The following GRAP2 variants were observed in gnomAD, a reference collection of about 807,000 sequenced individuals.
The protein encoded by GRAP2 is GRB2 related adaptor protein 2.
In GRAP2, 31 loss-of-function variants were observed where a neutral mutation model predicts 43.5. The ratio of observed to expected loss-of-function variants is 0.71; its 90% confidence interval spans 0.54 to 0.96. The LOEUF is 0.96. GRAP2 is among the 40% of genes least tolerant of loss of function. The pLI is 0.00. For missense variants in GRAP2, 371 were observed against 424.4 expected, an observed-to-expected ratio of 0.87 and a Z score of 1.11; for synonymous variants, 156 against 164.8, an observed-to-expected ratio of 0.95 and a Z score of 0.41.
At chr22:39,899,679 G>A (rs1430589006), upstream of GRAP2, among the ~76,000 whole-genome samples, 1 of 152,144 alleles carries the variant, frequency 6.6e-6, no homozygotes, top group Admixed American at 6.5e-5. Flanking sequence ...TAAAAAGAAA[G>A]CCTGTTATTA....
intron 2 of GRAP2, among the ~76,000 whole-genome samples, chr22:39,955,401 G>A (rs1330693258): frequency 7.2e-6 from 1 of 139,464 alleles, no homozygotes; most frequent in Non-Finnish European, 1.6e-5. Context: ...AAGTTTCCTG[G>A]TTACCTGGAA....
intron 1 of GRAP2, among the ~76,000 whole-genome samples, chr22:39,926,189 AT>A (rs2066696063): frequency 6.6e-6 from 1 of 152,194 alleles, no homozygotes; most frequent in Non-Finnish European, 1.5e-5. Context: ...ACAGTTGCAT[AT>A]TTGTCTTTTT....
chr22:39,911,140 A>G lies in GRAP2; in HGVS notation c.-15+9810A>G, dbSNP rs371759133. Among the ~76,000 whole-genome samples the G allele has an allele frequency of 3.9e-5, 6 of 152,336 alleles. No homozygotes were observed. The East Asian group carries it at 9.6e-4, about 24-fold the overall frequency. ...CACTCAGAGGCAGCATTAGATGAGG[A>G]GAGAAAAAGTTTATTTCAGGCTCTC... On this transcript the variant is annotated intron_variant, in intron 1 of 7. Transcript: ENST00000344138.
the GRAP2 span, among the ~76,000 whole-genome samples, chr22:39,894,347 CATAGGTGGGA>C: frequency 5.8e-5 from 8 of 137,374 alleles, no homozygotes; most frequent in Admixed American, 1.7e-4. Flanking sequence ...TATTCTCACT[CATAGGTGGGA>C]ATTGAACAAT....
At chr22:39,946,068 C>A (rs2066919151) in intron 1 of GRAP2, among the ~76,000 whole-genome samples, 1 of 152,182 alleles carries the variant, frequency 6.6e-6, no homozygotes, top group South Asian at 2.1e-4. Flanking sequence ...GCCATGTTGG[C>A]CAGGATGGTC....
intron 2 of GRAP2, among the ~76,000 whole-genome samples, chr22:39,954,798 G>T (rs2067029437): frequency 6.6e-6 from 1 of 152,236 alleles, no homozygotes; most frequent in Non-Finnish European, 1.5e-5. Context: ...CAAGTCTGGT[G>T]AGTAATATGA....
chr22:39,947,039 C>T, intron 1 of GRAP2, 54 bp from the exon 2 acceptor site: 1 of 1,011,634 alleles, frequency 9.9e-7, no homozygotes, highest in South Asian at 1.3e-5. Context: ...ACCATCGGCT[C>T]TGCTGCCCTC....
intron 1 of GRAP2, among the ~76,000 whole-genome samples, chr22:39,911,484 A>G (rs546469676): frequency 6.6e-6 from 1 of 152,096 alleles, no homozygotes; most frequent in Non-Finnish European, 1.5e-5. Context: ...GGAAACCTTT[A>G]AAAGACTTAC....
rs1260854520 is a variant in GRAP2, at chr22:39,901,292, A to C, written c.-53A>C. 1 of 1,281,568 alleles carries C rather than the reference A, an allele frequency of 7.8e-7. No homozygotes were observed. The highest frequency in any genetic ancestry group is 1.0e-6 in the Non-Finnish European group (1 of 981,706). 79.4% of individuals were successfully genotyped at this position (1,281,568 alleles called of 1,614,324 possible). ...GAAAGGATTCTAATAACTCGGTGTC[A>C]AAGCCAAGACATAAACTCAACCCCT... is the stretch of plus-strand genomic sequence containing the variant. On this transcript the variant is annotated 5_prime_UTR_variant, in exon 1 of 8. Coordinates refer to ENST00000344138, the MANE Select transcript of GRAP2 (RefSeq NM_004810.4).
intron 1 of GRAP2, among the ~76,000 whole-genome samples, chr22:39,918,414 G>A (rs1454298563): frequency 2.0e-5 from 3 of 152,198 alleles, no homozygotes; most frequent in South Asian, 2.1e-4. Context: ...GGAACCATCA[G>A]GAGAGGGCTT....
At chr22:39,955,612 T>G (rs1426708779) in intron 2 of GRAP2, among the ~76,000 whole-genome samples, 1 of 152,134 alleles carries the variant, frequency 6.6e-6, no homozygotes, top group East Asian at 1.9e-4. Flanking sequence ...AGAAATAACC[T>G]GGGGTCAGGA....
At chr22:39,930,022 C>T (rs1369843928) in intron 1 of GRAP2, among the ~76,000 whole-genome samples, 1 of 152,006 alleles carries the variant, frequency 6.6e-6, no homozygotes, top group Non-Finnish European at 1.5e-5. Flanking sequence ...ATTTCAAAGA[C>T]TTAGTTTGGA....
intron 4 of GRAP2, chr22:39,964,722 A>C (rs1308684276): frequency 2.0e-6 from 1 of 491,842 alleles, no homozygotes. Flanking sequence ...TTGTAAAAAA[A>C]AAAAAAAAAA....
At chr22:39,913,200 A>G (rs998301953) in intron 1 of GRAP2, among the ~76,000 whole-genome samples, 1 of 151,618 alleles carries the variant, frequency 6.6e-6, no homozygotes, top group Non-Finnish European at 1.5e-5. Context: ...CTCAAAAAAA[A>G]AAAAAAAAAA....
chr22:39,964,009 C>G (rs1333385584), intron 4 of GRAP2: 1 of 182,202 alleles, frequency 5.5e-6, no homozygotes, highest in African/African-American at 2.4e-5. Context: ...GAGCGAGACT[C>G]TGACTCAAAA....
chr22:39,903,952 A>G (rs563988067), intron 1 of GRAP2, among the ~76,000 whole-genome samples: 9 of 152,230 alleles, frequency 5.9e-5, no homozygotes, highest in Non-Finnish European at 1.3e-4. Context: ...GGAATTCAGT[A>G]AATAATTTTT....
intron 1 of GRAP2, chr22:39,926,597 C>T (rs2066701886): frequency 1.0e-6 from 1 of 984,920 alleles, no homozygotes; most frequent in Admixed American, 6.2e-5. Context: ...GGGGAAAAGT[C>T]ATAAAAGCAT....
chr22:39,929,529 A>G (rs1486186095), intron 1 of GRAP2, among the ~76,000 whole-genome samples: 2 of 152,246 alleles, frequency 1.3e-5, no homozygotes, highest in Middle Eastern at 3.4e-3. Context: ...CTCCTTACCT[A>G]TACAAACTTA....
chr22:39,943,614 T>C (rs567386577), intron 1 of GRAP2, among the ~76,000 whole-genome samples: 1 of 152,014 alleles, frequency 6.6e-6, no homozygotes, highest in African/African-American at 2.4e-5. Flanking sequence ...CGTCTCACAC[T>C]GTATGGGCAG....
Sources: allele counts gnomAD v4.1 joint callset (sites outside exome capture counted in the v4.1 genomes callset), GRCh38; gene constraint gnomAD v4.1.1; transcripts MANE v1.5; gene names NCBI Gene and HGNC (gene_info 2026-07-23, HGNC 2026-07-21).